PEAK1: variants seen among roughly 807,000 people sequenced by gnomAD.
The protein encoded by PEAK1 is pseudopodium enriched atypical kinase 1.
A neutral mutation model predicts 124.7 loss-of-function variants in PEAK1; 54 were observed. The ratio of observed to expected loss-of-function variants is 0.43; its 90% CI spans 0.35 to 0.54. The LOEUF is 0.54. PEAK1 is among the 20% of genes least tolerant of loss of function. PEAK1 has a pLI of 0.01. For missense variants in PEAK1, 2,046 were observed against 2,134.5 expected, an observed-to-expected ratio of 0.96 and a Z score of 0.82; for synonymous variants, 719 against 760.0, an observed-to-expected ratio of 0.95 and a Z score of 0.89.
chr15:77,172,051 A>AT (rs1334082539), intron 7 of PEAK1, among the ~76,000 whole-genome samples: 1 of 152,162 alleles, frequency 6.6e-6, no homozygotes, highest in Non-Finnish European at 1.5e-5. Flanking sequence ...AGCTTTTTAG[A>AT]TAACTGTAGA....
chr15:77,264,263 G>C (rs1171822047), intron 5 of PEAK1, among the ~76,000 whole-genome samples: 1 of 151,990 alleles, frequency 6.6e-6, no homozygotes, highest in Non-Finnish European at 1.5e-5. Context: ...AGGGCAATCA[G>C]GCAGGAGAAG....
intron 5 of PEAK1, among the ~76,000 whole-genome samples, chr15:77,266,849 G>A (rs1329515171): frequency 6.6e-6 from 1 of 152,092 alleles, no homozygotes; most frequent in Admixed American, 6.6e-5. Flanking sequence ...GAAGGAGCTG[G>A]ATTGCTGCTG....
intron 1 of PEAK1, among the ~76,000 whole-genome samples, chr15:77,374,018 AT>A (rs2068827359): frequency 6.6e-6 from 1 of 152,238 alleles, no homozygotes. Flanking sequence ...GTGCAAAAAA[AT>A]CTTCAATGTG....
intron 1 of PEAK1, among the ~76,000 whole-genome samples, chr15:77,382,421 G>C (rs1290626498): frequency 2.0e-5 from 3 of 152,000 alleles, no homozygotes; most frequent in Admixed American, 6.6e-5. Flanking sequence ...CTTTCACCTT[G>C]TCTGATACTC....
At chr15:77,397,448 T>A in intron 1 of PEAK1, among the ~76,000 whole-genome samples, 1 of 148,512 alleles carries the variant, frequency 6.7e-6, no homozygotes. Flanking sequence ...GAAGAAATAA[T>A]AAAGATCAGA....
intron 7 of PEAK1, among the ~76,000 whole-genome samples, chr15:77,168,779 C>G (rs1476728760): frequency 6.6e-6 from 1 of 152,198 alleles, no homozygotes; most frequent in Non-Finnish European, 1.5e-5. Context: ...AAAGGTATGT[C>G]AAATTCAGTC....
At chr15:77,365,071 A>C (rs1057455827) in intron 2 of PEAK1, 92 bp downstream of exon 2, 1 of 283,630 alleles carries the variant, frequency 3.5e-6, no homozygotes, top group African/African-American at 2.3e-5. Context: ...AGAGGAAAAG[A>C]TATTTGATAT....
At chr15:77,357,431 ACTGG>A (rs2067591754) in intron 2 of PEAK1, among the ~76,000 whole-genome samples, 1 of 152,008 alleles carries the variant, frequency 6.6e-6, no homozygotes, top group Non-Finnish European at 1.5e-5. Flanking sequence ...TGCCATTACA[ACTGG>A]CTAATTTTTG....
rs1460203088 is a variant in PEAK1, at chr15:77,112,062, G to A, written c.*2094C>T. The stretch of plus-strand genomic sequence containing the variant: ...GCCATGCCACAGGACACCAAGAGCA[G>A]ACTGCTGGCCTGCAGCAGCATGCCC... On this transcript the variant is annotated 3_prime_UTR_variant, in exon 10 of 10. Transcript: ENST00000682557. The A allele has an allele frequency of 6.6e-6, 1 of 152,244 alleles. No individual in the cohort carries two copies. Among genetic ancestry groups the A allele is most frequent in the African/African-American group, 2.4e-5 (1 of 41,454 alleles). The allele number at this position is 152,244 out of a possible 1,614,324, so 9.4% of individuals were successfully genotyped here.
intron 2 of PEAK1, chr15:77,337,491 C>T (rs2141294344): frequency 1.0e-6 from 1 of 984,618 alleles, no homozygotes; most frequent in South Asian, 4.7e-5. Context: ...CTGAATTCAT[C>T]ATCCTGACAT....
At chr15:77,332,168 T>C in intron 2 of PEAK1, 2 of 960,272 alleles carry the variant, frequency 2.1e-6, no homozygotes, top group Non-Finnish European at 2.5e-6. Flanking sequence ...CTTTAGAGAA[T>C]AGCTAGTAAT....
In PEAK1 at chr15:77,110,778, CAGGTT is replaced by C. The variant is rs1356551203; in HGVS notation, c.*3373_*3377del. ...TGGTGATTCTTACGTTGTTGTTCCA[CAGGTT>C]ACAGTGACTCTTTTTCTCATCCTGC... On this transcript the variant is annotated 3_prime_UTR_variant, in exon 10 of 10. Transcript: ENST00000682557. 6.6e-6 allele frequency: 1 copy of C among 152,172 alleles called. No homozygotes were observed. Among genetic ancestry groups the C allele is most frequent in the Non-Finnish European group, 1.5e-5 (1 of 68,034 alleles). 9.4% of individuals were successfully genotyped at this position (152,172 alleles called of 1,614,324 possible). A position where few individuals can be genotyped will look rare whatever the true frequency, so the allele number is the denominator to read the frequency against.
chr15:77,178,517 T>A (rs1056921931), intron 7 of PEAK1: 4 of 457,940 alleles, frequency 8.7e-6, no homozygotes, highest in Non-Finnish European at 1.5e-5. Flanking sequence ...TAAGGTGTTA[T>A]GGATTTGCTT....
chr15:77,250,117 A>ATT (rs201838110), intron 6 of PEAK1, among the ~76,000 whole-genome samples: 1 of 146,724 alleles, frequency 6.8e-6, no homozygotes, highest in Non-Finnish European at 1.5e-5. Flanking sequence ...ACAATTAGAG[A>ATT]TTTTTTTTTA....
intron 1 of PEAK1, among the ~76,000 whole-genome samples, chr15:77,408,637 T>C (rs2072142259): frequency 6.6e-6 from 1 of 152,104 alleles, no homozygotes; most frequent in Admixed American, 6.5e-5. Flanking sequence ...GTTTCTCCAA[T>C]GCCTTAACTC....
At chr15:77,316,554 A>G (rs1196928054) in intron 2 of PEAK1, among the ~76,000 whole-genome samples, 1 of 152,192 alleles carries the variant, frequency 6.6e-6, no homozygotes, top group African/African-American at 2.4e-5. Context: ...ATTTGTAATC[A>G]AATGGTCAAT....
At chr15:77,280,654 G>C (rs1050655235) in intron 5 of PEAK1, among the ~76,000 whole-genome samples, 8 of 151,168 alleles carry the variant, frequency 5.3e-5, no homozygotes, top group South Asian at 2.1e-4. Flanking sequence ...AATTAACAAG[G>C]AACACAAAAT....
At chr15:77,289,811 A>T (rs1174633570) in intron 2 of PEAK1, among the ~76,000 whole-genome samples, 3 of 152,136 alleles carry the variant, frequency 2.0e-5, no homozygotes, top group Admixed American at 6.5e-5. Flanking sequence ...AGCCTGGGCG[A>T]CAGAGCCAGA....
At chr15:77,416,650 C>T (rs1313095847) in intron 1 of PEAK1, among the ~76,000 whole-genome samples, 1 of 152,112 alleles carries the variant, frequency 6.6e-6, no homozygotes, top group African/African-American at 2.4e-5. Context: ...CTTCATCCAC[C>T]CCTGTTCTAA....
Sources: gnomAD v4.1 joint callset for allele counts (sites outside exome capture counted in the v4.1 genomes callset) on GRCh38, gnomAD v4.1.1 for gene constraint, MANE v1.5 for transcripts, NCBI Gene and HGNC (gene_info 2026-07-23, HGNC 2026-07-21) for gene names.